Variants in RNF175 observed in about 807,000 individuals in gnomAD.
The protein encoded by RNF175 is ring finger protein 175.
RNF175 carries 38 observed loss-of-function variants against 50.0 expected under a neutral mutation model. The observed-to-expected ratio is 0.76, with a 90% CI of 0.59 to 1.00. The LOEUF (loss-of-function observed/expected upper bound fraction) is 1.00, where lower values mean the gene tolerates loss of function less well. Among genes scored for constraint, RNF175 ranks in the 50% least tolerant of loss-of-function variants. The pLI is 0.00. For missense variants in RNF175, 388 were observed against 409.6 expected, an observed-to-expected ratio of 0.95 and a Z score of 0.46; for synonymous variants, 155 against 146.1, an observed-to-expected ratio of 1.06 and a Z score of -0.44.
chr4:153,718,013 C>T (rs1738054922), intron 6 of RNF175, among the ~76,000 whole-genome samples: 1 of 152,080 alleles, frequency 6.6e-6, no homozygotes, highest in Admixed American at 6.6e-5. Flanking sequence ...ACCTATTCAA[C>T]CACGCTCCTT....
rs1293773313 is a variant in RNF175 at position 153,711,552 on chromosome 4, A to G, written c.866+923T>C. 3.9e-5 allele frequency among the ~76,000 whole-genome samples: 6 copies of G among 152,348 alleles called. No homozygotes were observed. In the East Asian group the frequency reaches 5.8e-4, roughly 15 times the overall value. On this transcript the variant is annotated intron_variant, in intron 8 of 8. Coordinates refer to ENST00000347063, the MANE Select transcript of RNF175 (RefSeq NM_173662.4). ...GGTTGGTGAGGAACAGGGGAGCAGG[A>G]AGCAAGGAAGGTGATTCCTTTAGCA...
chr4:153,749,182 A>G (rs1740157034), intron 2 of RNF175, among the ~76,000 whole-genome samples: 1 of 152,224 alleles, frequency 6.6e-6, no homozygotes, highest in African/African-American at 2.4e-5. Flanking sequence ...GAAGTCATTT[A>G]TCCTCTCTGA....
Position 153,748,751 on chromosome 4 carries a change from C to G in RNF175, c.140G>C (p.Gly47Ala), listed in dbSNP as rs746918412. 2.5e-6 allele frequency: 4 copies of G among 1,611,754 alleles called. No homozygotes were observed. The change falls in exon 3 of 9, where the codon GGC becomes GCC. Residue 47 changes from glycine (G) to alanine (A), a missense_variant. Transcript: ENST00000347063. ...QQERMYKMHR[G>A]HDSMHVEMIL... Reference sequence around the variant, plus strand: ...CATTTCCACGTGCATGGAATCGTGGCCCCGGTGCATCTTGTACATCCTCTC... The same window carrying G: ...CATTTCCACGTGCATGGAATCGTGGGCCCGGTGCATCTTGTACATCCTCTC...
chr4:153,752,656 G>A (rs1024099047), intron 1 of RNF175, among the ~76,000 whole-genome samples: 3 of 152,068 alleles, frequency 2.0e-5, no homozygotes, highest in African/African-American at 4.8e-5. Flanking sequence ...GTAGAGCCCA[G>A]AAATTATAAA....
intron 1 of RNF175, among the ~76,000 whole-genome samples, chr4:153,754,786 C>A (rs1740481316): frequency 6.6e-6 from 1 of 152,064 alleles, no homozygotes; most frequent in African/African-American, 2.4e-5. Context: ...GAAGCAGGAA[C>A]CAGAGGGATG....
chr4:153,716,633 C>A (rs973967123), intron 6 of RNF175, among the ~76,000 whole-genome samples: 2 of 151,990 alleles, frequency 1.3e-5, no homozygotes, highest in Non-Finnish European at 2.9e-5. Context: ...CAGAGATTGG[C>A]TATATACCAC....
chr4:153,755,474 T>C (rs1465554721), intron 1 of RNF175, among the ~76,000 whole-genome samples: 1 of 151,242 alleles, frequency 6.6e-6, no homozygotes, highest in East Asian at 1.9e-4. Flanking sequence ...TTAAAGAATA[T>C]AGAAAAACAA....
intron 8 of RNF175, among the ~76,000 whole-genome samples, chr4:153,711,968 T>C (rs1737614263): frequency 6.6e-6 from 1 of 152,210 alleles, no homozygotes; most frequent in Non-Finnish European, 1.5e-5. Context: ...GCATGGAATT[T>C]AAAAAGCCAA....
chr4:153,755,585 C>T (rs1740521554), intron 1 of RNF175, among the ~76,000 whole-genome samples: 1 of 139,738 alleles, frequency 7.2e-6, no homozygotes, highest in Non-Finnish European at 1.6e-5. Context: ...AAAAAAAAAA[C>T]CTCAAAGACA....
At chr4:153,747,031 G>A (rs770895502) in intron 3 of RNF175, among the ~76,000 whole-genome samples, 1 of 152,176 alleles carries the variant, frequency 6.6e-6, no homozygotes, top group Non-Finnish European at 1.5e-5. Flanking sequence ...CTGCTCACTG[G>A]TCCTGTGTAG....
At chr4:153,736,468 T>C (rs1039202126) in intron 3 of RNF175, among the ~76,000 whole-genome samples, 1 of 152,198 alleles carries the variant, frequency 6.6e-6, no homozygotes, top group Non-Finnish European at 1.5e-5. Flanking sequence ...AATTGGGCAG[T>C]GTCAGTCCTC....
intron 1 of RNF175, among the ~76,000 whole-genome samples, chr4:153,755,571 A>G (rs1304068961): frequency 9.3e-6 from 1 of 107,056 alleles, no homozygotes; most frequent in Admixed American, 9.6e-5. Flanking sequence ...CTCAGAAAGA[A>G]TTTAAAAAAA....
intron 5 of RNF175, among the ~76,000 whole-genome samples, chr4:153,722,010 C>T (rs1383940186): frequency 6.6e-6 from 1 of 152,234 alleles, no homozygotes; most frequent in Non-Finnish European, 1.5e-5. Context: ...AAAGCCCTTT[C>T]ACCCAGGGCT....
chr4:153,749,506 G>A (rs563573650), intron 2 of RNF175, among the ~76,000 whole-genome samples: 124 of 152,304 alleles, frequency 8.1e-4, no homozygotes, highest in African/African-American at 3.0e-3. Flanking sequence ...CTATAATAGA[G>A]AGAAAGAATA....
chr4:153,710,881 T>C (rs1737526373), intron 8 of RNF175, among the ~76,000 whole-genome samples: 1 of 152,224 alleles, frequency 6.6e-6, no homozygotes. Context: ...ACCCATTGTA[T>C]ATTACAAAGA....
chr4:153,758,855 T>C (rs4696493), intron 1 of RNF175, among the ~76,000 whole-genome samples: 113,833 of 151,940 alleles, frequency 0.75, 43,056 homozygotes, highest in South Asian at 0.79. Flanking sequence ...TCAGATCCTG[T>C]CCATTCCCCA....
At chr4:153,752,212 A>C (rs1740329012) in intron 1 of RNF175, among the ~76,000 whole-genome samples, 1 of 152,256 alleles carries the variant, frequency 6.6e-6, no homozygotes, top group South Asian at 2.1e-4. Context: ...ACTTTGGTGG[A>C]GAGCACAGAA....
chr4:153,731,811 G>A (rs1181774080), intron 3 of RNF175, among the ~76,000 whole-genome samples: 1 of 152,096 alleles, frequency 6.6e-6, no homozygotes, highest in Non-Finnish European at 1.5e-5. Context: ...GAGGGTGGTG[G>A]GATGGTGGAG....
chr4:153,737,931 T>G (rs1739433826), intron 3 of RNF175, among the ~76,000 whole-genome samples: 1 of 152,266 alleles, frequency 6.6e-6, no homozygotes, highest in Admixed American at 6.5e-5. Flanking sequence ...AATTTGTTGA[T>G]TTCTCTTTGC....
Sources: gnomAD v4.1 joint callset for allele counts (sites outside exome capture counted in the v4.1 genomes callset) on GRCh38, gnomAD v4.1.1 for gene constraint, MANE v1.5 for transcripts, NCBI Gene and HGNC (gene_info 2026-07-23, HGNC 2026-07-21) for gene names.